Variants in FILIP1 observed in about 807,000 individuals in gnomAD.
FILIP1 encodes filamin A interacting protein 1.
FILIP1 carries 61 observed loss-of-function variants against 102.1 expected under a neutral mutation model. The observed-to-expected ratio is 0.60, with a 90% CI of 0.49 to 0.74. The LOEUF is 0.74. Among genes scored for constraint, FILIP1 ranks in the 30% least tolerant of loss-of-function variants. The pLI is 0.00. For synonymous variants in FILIP1, 491 were observed against 526.9 expected, an observed-to-expected ratio of 0.93 and a Z score of 0.93; for missense variants, 1,314 against 1,441.2, an observed-to-expected ratio of 0.91 and a Z score of 1.43.
chr6:75,353,965 T>C (rs1166656444), intron 3 of FILIP1, among the ~76,000 whole-genome samples: 1 of 152,096 alleles, frequency 6.6e-6, no homozygotes, highest in Non-Finnish European at 1.5e-5. Context: ...TTCCTAAACT[T>C]CTTTCCTTTT....
chr6:75,332,820 T>C (rs1774124376), intron 4 of FILIP1, among the ~76,000 whole-genome samples: 1 of 152,152 alleles, frequency 6.6e-6, no homozygotes, highest in African/African-American at 2.4e-5. Flanking sequence ...CAGGAGGAGC[T>C]GGCAGCATGA....
intron 2 of FILIP1, among the ~76,000 whole-genome samples, chr6:75,387,915 T>C (rs1397273373): frequency 6.6e-6 from 1 of 152,198 alleles, no homozygotes; most frequent in Non-Finnish European, 1.5e-5. Context: ...TTTTGGCTTT[T>C]GTTGCCATTG....
At chr6:75,405,903 T>G (rs547822798) in intron 2 of FILIP1, among the ~76,000 whole-genome samples, 1 of 152,256 alleles carries the variant, frequency 6.6e-6, no homozygotes, top group African/African-American at 2.4e-5. Context: ...AAGTTAAGTT[T>G]AAAAGTAGAA....
intron 2 of FILIP1, among the ~76,000 whole-genome samples, chr6:75,381,402 G>T (rs1221207392): frequency 9.9e-5 from 15 of 152,028 alleles, no homozygotes; most frequent in Admixed American, 9.2e-4. Flanking sequence ...GCTAATTTTT[G>T]TATTTTTAGT....
chr6:75,348,252 A>G (rs1774663075), intron 4 of FILIP1, among the ~76,000 whole-genome samples: 1 of 152,228 alleles, frequency 6.6e-6, no homozygotes, highest in Admixed American at 6.5e-5. Flanking sequence ...TCTGAAGGTG[A>G]TCTCATGTGC....
chr6:75,490,637 TTG>T (rs59493141), intron 1 of FILIP1, among the ~76,000 whole-genome samples: 16,500 of 147,702 alleles, frequency 0.11, 902 homozygotes, highest in Admixed American at 0.12. Context: ...TACACAGGAT[TTG>T]TGTGTGTGTG....
intron 2 of FILIP1, among the ~76,000 whole-genome samples, chr6:75,368,668 G>C (rs1284438641): frequency 6.6e-6 from 1 of 152,174 alleles, no homozygotes; most frequent in African/African-American, 2.4e-5. Flanking sequence ...GCCACAGAAA[G>C]AAGAGGTAAG....
At chr6:75,328,424 A>T (rs774399628) in intron 4 of FILIP1, among the ~76,000 whole-genome samples, 29 of 152,182 alleles carry the variant, frequency 1.9e-4, no homozygotes, top group Non-Finnish European at 3.8e-4. Flanking sequence ...TGATGGGTAC[A>T]TGGGTGTTCA....
At chr6:75,330,396 A>G (rs1032417054) in intron 4 of FILIP1, among the ~76,000 whole-genome samples, 8 of 152,124 alleles carry the variant, frequency 5.3e-5, no homozygotes, top group Non-Finnish European at 1.2e-4. Flanking sequence ...AAGCCCTCGT[A>G]CACTTTTTTT....
intron 2 of FILIP1, among the ~76,000 whole-genome samples, chr6:75,381,605 C>G (rs1158262432): frequency 6.6e-6 from 1 of 152,168 alleles, no homozygotes; most frequent in Non-Finnish European, 1.5e-5. Context: ...TTCTGGTCCT[C>G]TGGCACCTGA....
At chr6:75,338,465 T>TGG (rs1582366582) in intron 4 of FILIP1, among the ~76,000 whole-genome samples, 2 of 152,156 alleles carry the variant, frequency 1.3e-5, no homozygotes, top group East Asian at 3.9e-4. Flanking sequence ...CCTCCAAACA[T>TGG]TGAAAACACC....
intron 2 of FILIP1, among the ~76,000 whole-genome samples, chr6:75,376,736 T>G (rs1775765847): frequency 6.6e-6 from 1 of 152,216 alleles, no homozygotes; most frequent in African/African-American, 2.4e-5. Context: ...TCCCAATATT[T>G]GGTGACTACC....
downstream of FILIP1, among the ~76,000 whole-genome samples, chr6:75,304,007 G>A (rs951812897): frequency 1.3e-5 from 2 of 152,080 alleles, no homozygotes; most frequent in African/African-American, 4.8e-5. Flanking sequence ...TGAAACTGGT[G>A]TGTTTAAGTG....
intron 1 of FILIP1, among the ~76,000 whole-genome samples, chr6:75,442,758 G>A (rs568403112): frequency 1.2e-4 from 18 of 152,088 alleles, no homozygotes; most frequent in African/African-American, 4.3e-4. Context: ...GAGGGAGAGG[G>A]AGAGGGGGAG....
At chr6:75,372,138 G>A (rs1339440603) in intron 2 of FILIP1, among the ~76,000 whole-genome samples, 1 of 152,100 alleles carries the variant, frequency 6.6e-6, no homozygotes, top group African/African-American at 2.4e-5. Flanking sequence ...CAAGGTGGGT[G>A]GATCACCTGA....
At chr6:75,385,114 T>C (rs1776044752) in intron 2 of FILIP1, among the ~76,000 whole-genome samples, 1 of 152,048 alleles carries the variant, frequency 6.6e-6, no homozygotes, top group Non-Finnish European at 1.5e-5. Context: ...TCTTAATTTA[T>C]AACTAAAGAA....
intron 2 of FILIP1, among the ~76,000 whole-genome samples, chr6:75,375,254 A>C (rs1292774150): frequency 6.6e-6 from 1 of 152,256 alleles, no homozygotes; most frequent in Non-Finnish European, 1.5e-5. Context: ...CAGCTTCAGC[A>C]GTAAGCGGGG....
chr6:75,485,814 A>G (rs1156356056), intron 1 of FILIP1, among the ~76,000 whole-genome samples: 1 of 152,128 alleles, frequency 6.6e-6, no homozygotes, highest in Admixed American at 6.6e-5. Flanking sequence ...AATTTTTCTT[A>G]AACTACAGCA....
rs987860689 is a variant in FILIP1, at chr6:75,432,686, AT to A, written c.-6-17709del. Among the ~76,000 whole-genome samples, 66 of 151,878 alleles carry A rather than the reference AT, an allele frequency of 4.3e-4. 1 individual carries two copies. Among genetic ancestry groups the A allele is most frequent in the East Asian group, 9.7e-4 (5 of 5,176 alleles). ...TTTTATTTACTATTTTATTATTTTT[AT>A]TTTTTTTATTATACTTTAAGTTCTA... On this transcript the variant is annotated intron_variant, in intron 1 of 5. Transcript: ENST00000237172.
Sources: gnomAD v4.1 joint callset for allele counts (sites outside exome capture counted in the v4.1 genomes callset) on GRCh38, gnomAD v4.1.1 for gene constraint, MANE v1.5 for transcripts, NCBI Gene and HGNC (gene_info 2026-07-23, HGNC 2026-07-21) for gene names.